Variants in NBPF15 observed in about 807,000 individuals in gnomAD.
NBPF15 encodes NBPF family member NBPF15.
A neutral mutation model predicts 62.2 loss-of-function variants in NBPF15; 74 were observed. That is an observed-to-expected ratio of 1.19 (90% CI 0.99 to 1.44). The LOEUF (loss-of-function observed/expected upper bound fraction) is 1.44, where lower values mean the gene tolerates loss of function less well. NBPF15 is among the 40% of genes most tolerant of loss of function. The probability of loss-of-function intolerance (pLI) is 0.00; values close to 1 mark genes in which losing one functional copy is unlikely to be tolerated. For synonymous variants in NBPF15, 244 were observed against 209.7 expected (o/e 1.16, Z -1.41); for missense variants, 790 against 550.0 (o/e 1.44, Z -4.36).
chr1:144,427,087 A>T lies in NBPF15; in HGVS notation c.1225T>A (p.Tyr409Asn), dbSNP rs1356793124. 3.5e-6 allele frequency: 2 copies of T among 579,224 alleles called. No homozygotes were observed. The highest frequency in any genetic ancestry group is 6.0e-6 in the Non-Finnish European group (2 of 334,474). The allele number at this position is 579,224 out of a possible 1,614,324, so 35.9% of individuals were successfully genotyped here. Residue 409 changes from tyrosine (Y) to asparagine (N), a missense_variant, in exon 17 of 22, where the codon TAC (tyrosine) becomes AAC (asparagine). Transcript: ENST00000581897. ...TCTTGGTCTTCTTCCACTTCTTGGTACTTTTCAATTTCTGCAATAAGTTCA... is the reference window on the plus strand; with the variant it reads ...TCTTGGTCTTCTTCCACTTCTTGGTTCTTTTCAATTTCTGCAATAAGTTCA... ...LAIDMDEIEK[Y>N]QEVEEDQDPS...
intron 17 of NBPF15, 25 bp from the exon 18 acceptor site, chr1:144,426,475 A>T: frequency 1.2e-6 from 1 of 822,248 alleles, no homozygotes; most frequent in Non-Finnish European, 2.2e-6. Flanking sequence ...AAAAGTAAAG[A>T]ATAAGCCAGG....
intron 6 of NBPF15, among the ~76,000 whole-genome samples, chr1:144,442,116 A>AAT (rs1391199427): frequency 6.5e-5 from 4 of 61,892 alleles, no homozygotes; most frequent in East Asian, 9.2e-4. Flanking sequence ...ATATATATAT[A>AAT]ATATATATAC....
intron 10 of NBPF15, among the ~76,000 whole-genome samples, chr1:144,436,248 C>T (rs1239653531): frequency 6.6e-6 from 1 of 152,034 alleles, no homozygotes; most frequent in Non-Finnish European, 1.5e-5. Context: ...ACTTGTCCCA[C>T]AGTCCTCTAT....
chr1:144,422,671 T>A lies in NBPF15; in HGVS notation c.*342A>T. 1 of 442,994 alleles carries A rather than the reference T, an allele frequency of 2.3e-6. No individual in the cohort carries two copies. Among genetic ancestry groups the A allele is most frequent in the East Asian group, 4.5e-5 (1 of 22,434 alleles). 27.4% of individuals were successfully genotyped at this position (442,994 alleles called of 1,614,324 possible). On this transcript the variant is annotated 3_prime_UTR_variant, in exon 22 of 22. Coordinates refer to ENST00000581897, the MANE Select transcript of NBPF15 (RefSeq NM_001385408.1). ...GATGAGCTAAACACAAAGATGACAA[T>A]GACCTTGAGCAGGTATAGAAGCTCA...
At chr1:144,442,759 T>G (rs1337989983) in intron 6 of NBPF15, 9 of 201,556 alleles carry the variant, frequency 4.5e-5, no homozygotes, top group African/African-American at 1.6e-4. Context: ...CTGGTCAAAC[T>G]TTGTCATGAA....
intron 21 of NBPF15, 107 bp downstream of exon 21, chr1:144,423,763 A>G (rs1351216376): frequency 1.4e-6 from 1 of 708,714 alleles, no homozygotes. Context: ...AGTAGGAGTA[A>G]TTCAGCCTTC....
intron 8 of NBPF15, among the ~76,000 whole-genome samples, chr1:144,438,439 C>T (rs1353461464): frequency 1.3e-5 from 2 of 151,952 alleles, no homozygotes; most frequent in African/African-American, 4.8e-5. Flanking sequence ...GCCCCTAGGA[C>T]TATGGGACTG....
chr1:144,448,419 A>C (rs1177407567), intron 6 of NBPF15, among the ~76,000 whole-genome samples: 1 of 152,026 alleles, frequency 6.6e-6, no homozygotes, highest in Non-Finnish European at 1.5e-5. Flanking sequence ...TTCTATGACT[A>C]TCTGTTTCAT....
intron 17 of NBPF15, 27 bp from the exon 18 acceptor site, chr1:144,426,477 T>G: frequency 1.2e-6 from 1 of 823,084 alleles, no homozygotes; most frequent in Non-Finnish European, 2.2e-6. Context: ...AAGTAAAGAA[T>G]AAGCCAGGGA....
At chr1:144,452,415 T>C (rs1571161362) in intron 4 of NBPF15, among the ~76,000 whole-genome samples, 2 of 151,702 alleles carry the variant, frequency 1.3e-5, no homozygotes, top group African/African-American at 4.9e-5. Context: ...AACACAATAG[T>C]CCACTATATA....
chr1:144,447,827 C>T (rs1156881130), intron 6 of NBPF15, among the ~76,000 whole-genome samples: 1 of 152,072 alleles, frequency 6.6e-6, no homozygotes, highest in Non-Finnish European at 1.5e-5. Flanking sequence ...TAAAGTGCTA[C>T]ATGGCATTGG....
rs1419036365 is a variant in NBPF15, at chr1:144,455,434, C to T, written c.-432+1103G>A. Among the ~76,000 whole-genome samples the T allele has an allele frequency of 2.6e-5, 4 of 152,022 alleles. No homozygotes were observed. The East Asian group carries it at 7.7e-4, about 29-fold the overall frequency. On this transcript the variant is annotated intron_variant, in intron 4 of 21. Coordinates refer to ENST00000581897, the MANE Select transcript of NBPF15 (RefSeq NM_001385408.1). Reference sequence around the variant, plus strand: ...CTACTGTAAAACTATATGCTGTTTCCACGGGGTACAACCCCTTCTTCCTCC... The same window carrying T: ...CTACTGTAAAACTATATGCTGTTTCTACGGGGTACAACCCCTTCTTCCTCC...
chr1:144,434,863 C>T (rs1197875508), intron 12 of NBPF15, among the ~76,000 whole-genome samples: 1 of 152,000 alleles, frequency 6.6e-6, no homozygotes. Context: ...CAGATATGGC[C>T]TGTGCACCTC....
rs1387649008 is a variant in NBPF15, at chr1:144,436,744, G to A, written c.493+151C>T. ...CCAACCCCATGGGTTTCCCATCTCC[G>A]TTCTTACCCAAGAAGTCCTGGTCAT... is the stretch of plus-strand genomic sequence containing the variant. On this transcript the variant is annotated intron_variant, in intron 10 of 21. Coordinates refer to ENST00000581897, the MANE Select transcript of NBPF15 (RefSeq NM_001385408.1). The A allele has an allele frequency of 3.0e-4, 312 of 1,054,470 alleles. 1 individual carries two copies. Among genetic ancestry groups the A allele is most frequent in the Non-Finnish European group, 3.9e-4 (275 of 696,802 alleles). The allele number at this position is 1,054,470 out of a possible 1,614,324, so 65.3% of individuals were successfully genotyped here.
At position 144,442,175 on chromosome 1, in the gene NBPF15, TATATA is replaced by T. The variant is rs1571142139; in HGVS notation, c.-190-1885_-190-1881del. Among the ~76,000 whole-genome samples the T allele has an allele frequency of 2.3e-3, 253 of 111,300 alleles. 21 individuals are homozygous for T. Among genetic ancestry groups the T allele is most frequent in the African/African-American group, 8.9e-3 (231 of 25,986 alleles). The allele number at this position is 111,300 out of a possible 152,430, so 73.0% of individuals were successfully genotyped here. A position where few individuals can be genotyped will look rare whatever the true frequency, so the allele number is the denominator to read the frequency against. Reference sequence around the variant, plus strand: ...ATATATACACGTGTATATATATATATATATAATATATATACACGTGTATATATATT... The same window carrying T: ...ATATATACACGTGTATATATATATATATATATATACACGTGTATATATATT... On this transcript the variant is annotated intron_variant, in intron 6 of 21. Transcript: ENST00000581897.
chr1:144,455,253 TGGGAGAGAAGTAGGGAA>T (rs1163732376), intron 4 of NBPF15, among the ~76,000 whole-genome samples: 31 of 112,740 alleles, frequency 2.7e-4, no homozygotes, highest in African/African-American at 8.9e-4. Flanking sequence ...AGAAAAAGAG[TGGGAGAGAAGTAGGGAA>T]GGGAGAGAAG....
In NBPF15 at chr1:144,423,137, C is replaced by T. The variant is rs587731746; in HGVS notation, c.1889G>A (p.Ser630Asn). ...EQPDSFQHYRSVFYSFEEEHI... is the reference protein window; with the variant it reads ...EQPDSFQHYRNVFYSFEEEHI... ...CTCTTCCTCAAATGAGTAAAACACACTTCTGTAGTGCTGGAATGAGTCAGG... is the reference window on the plus strand; with the variant it reads ...CTCTTCCTCAAATGAGTAAAACACATTTCTGTAGTGCTGGAATGAGTCAGG... The change falls in exon 22 of 22, where the codon AGT becomes AAT. Residue 630 changes from serine to asparagine, a missense_variant. Physicochemically the swap from Ser to Asn is conservative, Grantham distance 46. Transcript: ENST00000581897. 5 of 1,611,480 alleles carry T rather than the reference C, an allele frequency of 3.1e-6. No individual in the cohort carries two copies. Among genetic ancestry groups the T allele is most frequent in the Non-Finnish European group, 3.4e-6 (4 of 1,179,606 alleles).
chr1:144,424,576 TC>T, intron 20 of NBPF15, 113 bp downstream of exon 20: 1 of 651,120 alleles, frequency 1.5e-6, no homozygotes, highest in Non-Finnish European at 2.7e-6. Context: ...TGCCTATAGG[TC>T]CTCACTGCGG....
chr1:144,452,474 A>G (rs1195350487), intron 4 of NBPF15, among the ~76,000 whole-genome samples: 1 of 151,618 alleles, frequency 6.6e-6, no homozygotes. Flanking sequence ...TGCTTTCCAA[A>G]TATTTATTCT....
Sources: allele counts gnomAD v4.1 joint callset (sites outside exome capture counted in the v4.1 genomes callset), GRCh38; gene constraint gnomAD v4.1.1; transcripts MANE v1.5; gene names NCBI Gene and HGNC (gene_info 2026-07-23, HGNC 2026-07-21).